Variants in CSNK1G1 observed in about 807,000 individuals in gnomAD.
The protein encoded by CSNK1G1 is casein kinase 1 gamma 1.
Under a neutral mutation model 59.6 loss-of-function variants are expected in CSNK1G1, and 22 were observed. That is an observed-to-expected ratio of 0.37 (90% confidence interval 0.26 to 0.53). CSNK1G1 has a LOEUF of 0.53. Ranked by LOEUF, CSNK1G1 falls within the 20% of genes least tolerant of loss-of-function variation. The probability of loss-of-function intolerance (pLI) is 0.89; values close to 1 mark genes in which losing one functional copy is unlikely to be tolerated. For synonymous variants in CSNK1G1, 179 were observed against 177.1 expected (o/e 1.01, Z -0.08); for missense variants, 384 against 519.5 (o/e 0.74, Z 2.54).
intron 10 of CSNK1G1, among the ~76,000 whole-genome samples, chr15:64,187,261 G>A (rs2081910350): frequency 1.3e-5 from 2 of 151,746 alleles, no homozygotes; most frequent in South Asian, 2.1e-4. Flanking sequence ...GCATGATCTC[G>A]GCTCACTGCA....
chr15:64,326,622 T>C (rs1005142064), intron 1 of CSNK1G1, among the ~76,000 whole-genome samples: 38 of 149,686 alleles, frequency 2.5e-4, no homozygotes, highest in Middle Eastern at 3.4e-3. Context: ...CCAGCCTGGG[T>C]GACAGAGCGA....
chr15:64,250,974 G>A (rs1024558443), intron 4 of CSNK1G1, among the ~76,000 whole-genome samples: 3 of 152,026 alleles, frequency 2.0e-5, no homozygotes, highest in African/African-American at 7.2e-5. Flanking sequence ...GAGCTTTTTG[G>A]TAAAAACAAA....
At chr15:64,206,768 A>G (rs2082188074) in intron 7 of CSNK1G1, among the ~76,000 whole-genome samples, 2 of 152,206 alleles carry the variant, frequency 1.3e-5, no homozygotes, top group Non-Finnish European at 2.9e-5. Context: ...AAGGAAGGCT[A>G]TTTAAACTCT....
chr15:64,340,943 G>T lies in CSNK1G1; in HGVS notation c.-225+15045C>A, dbSNP rs1897652297. Among the ~76,000 whole-genome samples the T allele has an allele frequency of 2.0e-5, 3 of 152,222 alleles. No individual in the cohort carries two copies. In the South Asian group the frequency reaches 6.2e-4, roughly 32 times the overall value. ...ACGGCACTCCAACCTGGGCAATAGA[G>T]TGAGGCACTGTCTCAAAAACACCAC... is the stretch of plus-strand genomic sequence containing the variant. On this transcript the variant is annotated intron_variant, in intron 1 of 11. Transcript: ENST00000303052.
chr15:64,309,859 T>C (rs568742555), intron 1 of CSNK1G1, among the ~76,000 whole-genome samples: 1 of 152,222 alleles, frequency 6.6e-6, no homozygotes, highest in Admixed American at 6.5e-5. Flanking sequence ...CCTATAATCC[T>C]AGAACTTTGG....
intron 2 of CSNK1G1, among the ~76,000 whole-genome samples, chr15:64,281,795 G>C (rs1596214223): frequency 6.7e-6 from 1 of 150,296 alleles, no homozygotes; most frequent in East Asian, 1.9e-4. Context: ...AGCCGAGACT[G>C]TGCCGAGAAA....
intron 2 of CSNK1G1, among the ~76,000 whole-genome samples, chr15:64,261,817 C>A (rs1204127946): frequency 6.6e-6 from 1 of 151,736 alleles, no homozygotes; most frequent in Non-Finnish European, 1.5e-5. Context: ...GTAGTGTGCA[C>A]CTGTAATCCC....
chr15:64,350,312 T>G (rs749038447), intron 1 of CSNK1G1, among the ~76,000 whole-genome samples: 52 of 152,024 alleles, frequency 3.4e-4, no homozygotes, highest in Non-Finnish European at 6.6e-4. Context: ...GCTAACACGG[T>G]GAAACCCCGT....
At chr15:64,251,695 C>T in intron 3 of CSNK1G1, 114 bp from the exon 4 acceptor site, 1 of 692,604 alleles carries the variant, frequency 1.4e-6, no homozygotes, top group East Asian at 2.7e-5. Flanking sequence ...AGATAATATC[C>T]ATATATAAGA....
At chr15:64,304,701 A>G (rs1250308673) in intron 1 of CSNK1G1, among the ~76,000 whole-genome samples, 2 of 152,208 alleles carry the variant, frequency 1.3e-5, no homozygotes, top group African/African-American at 2.4e-5. Context: ...AGATTCTCAT[A>G]TATTGGCTTT....
At chr15:64,351,616 C>T (rs896306946) in intron 1 of CSNK1G1, among the ~76,000 whole-genome samples, 23 of 152,296 alleles carry the variant, frequency 1.5e-4, no homozygotes, top group Middle Eastern at 3.4e-3. Context: ...CGGTGGCTCA[C>T]GCCTGTAGTC....
rs60125774 is a variant in CSNK1G1, at chr15:64,316,202, AAAACAAACAAACAAAC to A, written c.-224-15495_-224-15480del. On this transcript the variant is annotated intron_variant, in intron 1 of 11. Transcript: ENST00000303052. ...CCACTGGCACTCAGTTTTGCTTTTT[AAAACAAACAAACAAAC>A]AAACAAACAAACAAACAAACAGAAA... Among the ~76,000 whole-genome samples, 82 of 149,774 alleles carry A rather than the reference AAAACAAACAAACAAAC, an allele frequency of 5.5e-4. 1 individual carries two copies. Among genetic ancestry groups the A allele is most frequent in the East Asian group, 2.8e-3 (14 of 5,060 alleles).
At chr15:64,187,905 C>G (rs1315061437) in intron 10 of CSNK1G1, among the ~76,000 whole-genome samples, 1 of 152,152 alleles carries the variant, frequency 6.6e-6, no homozygotes, top group Non-Finnish European at 1.5e-5. Flanking sequence ...GGAAACAGCC[C>G]AACTTCCTGG....
rs114522345 is a variant in CSNK1G1, at chr15:64,282,617, T to C, written c.181+17702A>G. Among the ~76,000 whole-genome samples, 1,276 of 152,310 alleles carry C rather than the reference T, an allele frequency of 8.4e-3. 18 individuals carry two copies. The highest frequency in any genetic ancestry group is 0.029 in the African/African-American group (1,198 of 41,566). ...TTAACCTGTTTTCAAGATTCATCTA[T>C]GTTATAGTAGTATGTATCTTTATTC... On this transcript the variant is annotated intron_variant, in intron 2 of 11. Coordinates refer to ENST00000303052, the MANE Select transcript of CSNK1G1 (RefSeq NM_022048.5).
chr15:64,231,462 C>T (rs1567386818), intron 4 of CSNK1G1, among the ~76,000 whole-genome samples: 1 of 147,536 alleles, frequency 6.8e-6, no homozygotes, highest in African/African-American at 2.5e-5. Flanking sequence ...CACACATATA[C>T]ATATATATAT....
intron 4 of CSNK1G1, among the ~76,000 whole-genome samples, chr15:64,227,656 C>T (rs538940859): frequency 5.4e-4 from 83 of 152,302 alleles, no homozygotes; most frequent in African/African-American, 1.9e-3. Context: ...TGGAAATACA[C>T]GGTCTTTTCT....
chr15:64,278,172 G>A (rs1259532586), intron 2 of CSNK1G1, among the ~76,000 whole-genome samples: 5 of 150,192 alleles, frequency 3.3e-5, no homozygotes, highest in Admixed American at 1.3e-4. Context: ...TCGGCCTCCC[G>A]AGTAGCTGGG....
intron 4 of CSNK1G1, among the ~76,000 whole-genome samples, chr15:64,237,417 T>C (rs2082631013): frequency 6.6e-6 from 1 of 152,192 alleles, no homozygotes; most frequent in Non-Finnish European, 1.5e-5. Context: ...TATTTCATCC[T>C]TTCTTCCCAG....
intron 3 of CSNK1G1, 49 bp downstream of exon 3, chr15:64,259,152 A>C (rs1237704580): frequency 6.8e-7 from 1 of 1,460,650 alleles, no homozygotes; most frequent in Middle Eastern, 1.7e-4. Flanking sequence ...AAAAGATATA[A>C]GCAATGGGAG....
Sources: gnomAD v4.1 joint callset for allele counts (sites outside exome capture counted in the v4.1 genomes callset) on GRCh38, gnomAD v4.1.1 for gene constraint, MANE v1.5 for transcripts, NCBI Gene and HGNC (gene_info 2026-07-23, HGNC 2026-07-21) for gene names.